Variants in EVA1C observed in about 807,000 individuals in gnomAD.
EVA1C encodes eva-1 homolog C, also known as protein eva-1 homolog C.
A neutral mutation model predicts 45.4 loss-of-function variants in EVA1C; 25 were observed. The ratio of observed to expected loss-of-function variants is 0.55; its 90% CI spans 0.40 to 0.77. The LOEUF is 0.77. Among genes scored for constraint, EVA1C ranks in the 30% least tolerant of loss-of-function variants. EVA1C has a pLI of 0.00. For synonymous variants in EVA1C, 190 were observed against 221.2 expected (o/e 0.86, Z 1.25); for missense variants, 479 against 554.8 (o/e 0.86, Z 1.37).
At chr21:32,481,509 GAAAAA>G (rs36096674) in intron 4 of EVA1C, among the ~76,000 whole-genome samples, 1 of 123,672 alleles carries the variant, frequency 8.1e-6, no homozygotes, top group African/African-American at 3.0e-5. Flanking sequence ...GCAGCCACAA[GAAAAA>G]AAAAAAAACT....
At chr21:32,440,790 T>C (rs1376870907) in intron 1 of EVA1C, among the ~76,000 whole-genome samples, 1 of 152,208 alleles carries the variant, frequency 6.6e-6, no homozygotes, top group East Asian at 1.9e-4. Context: ...TCTTCTTCAC[T>C]GTGTCATTCA....
chr21:32,439,659 T>C (rs919231247), intron 1 of EVA1C, among the ~76,000 whole-genome samples: 13 of 152,110 alleles, frequency 8.5e-5, no homozygotes, highest in African/African-American at 2.9e-4. Context: ...GCACGGCTTT[T>C]TGGATTTGCC....
In EVA1C at chr21:32,504,020, G is replaced by A; in HGVS notation, c.949+5G>A. 1.3e-6 allele frequency: 2 copies of A among 1,594,278 alleles called. No individual in the cohort carries two copies. Among genetic ancestry groups the A allele is most frequent in the Non-Finnish European group, 1.7e-6 (2 of 1,165,258 alleles). ...CAGCCTTTGCTTACATTAGAGGTAG[G>A]TCAATGAATCAAAGCTTCCTAGAAT... On this transcript the variant is annotated splice_donor_5th_base_variant and intron_variant, in intron 7 of 7. Transcript: ENST00000300255.
rs114081839 is a variant in EVA1C, at chr21:32,508,808, A to C, written c.949+4793A>C. On this transcript the variant is annotated intron_variant, in intron 7 of 7. Transcript: ENST00000300255. ...ATGAGCTGGAGCGTGCATTTGCCCC[A>C]AGTCAGGATCTAAGGGTGGAAAGGA... Among the ~76,000 whole-genome samples the C allele has an allele frequency of 2.4e-3, 371 of 152,262 alleles. 3 individuals are homozygous for C. The highest frequency in any genetic ancestry group is 8.0e-3 in the African/African-American group (331 of 41,562).
intron 1 of EVA1C, among the ~76,000 whole-genome samples, chr21:32,415,087 C>T (rs749837745): frequency 1.3e-5 from 2 of 152,154 alleles, no homozygotes; most frequent in Non-Finnish European, 2.9e-5. Context: ...TCTTATTGTT[C>T]GGTTCAGTGT....
chr21:32,420,161 T>A (rs981435934), intron 1 of EVA1C, among the ~76,000 whole-genome samples: 1 of 139,690 alleles, frequency 7.2e-6, no homozygotes, highest in Non-Finnish European at 1.5e-5. Flanking sequence ...TTTAGGGTTT[T>A]AAAAAATTTT....
chr21:32,458,821 A>G (rs1186756132), intron 3 of EVA1C, among the ~76,000 whole-genome samples: 1 of 152,018 alleles, frequency 6.6e-6, no homozygotes, highest in African/African-American at 2.4e-5. Context: ...CACCCAACAC[A>G]ACTGTTTTCA....
intron 1 of EVA1C, among the ~76,000 whole-genome samples, chr21:32,434,593 AAAATAAAT>A (rs202142414): frequency 2.0e-3 from 289 of 146,972 alleles, no homozygotes; most frequent in Non-Finnish European, 2.5e-3. Flanking sequence ...TCCGTCTCAA[AAAATAAAT>A]AAATAAATAA....
chr21:32,464,158 C>T (rs967160432), intron 3 of EVA1C, among the ~76,000 whole-genome samples: 5 of 152,208 alleles, frequency 3.3e-5, no homozygotes, highest in Admixed American at 6.5e-5. Context: ...AGAAAGAAAA[C>T]AAAACTTGCC....
intron 4 of EVA1C, among the ~76,000 whole-genome samples, chr21:32,494,574 G>A (rs532065296): frequency 2.0e-5 from 3 of 152,260 alleles, no homozygotes; most frequent in Admixed American, 6.5e-5. Context: ...CTGGAGGTCA[G>A]GAGTTTGAGA....
intron 2 of EVA1C, among the ~76,000 whole-genome samples, chr21:32,454,035 C>T (rs1389714600): frequency 6.6e-6 from 1 of 152,160 alleles, no homozygotes; most frequent in Non-Finnish European, 1.5e-5. Flanking sequence ...TCAAGACCAG[C>T]CTGGCCAATA....
rs1339118158 is a variant in EVA1C at position 32,474,400 on chromosome 21, C to T, written c.634+6552C>T. ...GCCTTTGCACAAGCTGTCCCTTTGA[C>T]CTGGACTGTGCTCACCCCATATCTT... On this transcript the variant is annotated intron_variant, in intron 4 of 7. Transcript: ENST00000300255. The surrounding 1 kb of genome is among the most constrained non-coding windows in gnomAD (Gnocchi z 4.4). Among the ~76,000 whole-genome samples, 3 of 152,210 alleles carry T rather than the reference C, an allele frequency of 2.0e-5. No individual in the cohort carries two copies. The East Asian group carries it at 5.8e-4, about 29-fold the overall frequency.
intron 4 of EVA1C, among the ~76,000 whole-genome samples, chr21:32,473,035 CTGAGGGTGCCCTG>C (rs1444517830): frequency 2.0e-5 from 3 of 152,262 alleles, no homozygotes; most frequent in Admixed American, 6.5e-5. Context: ...TCAAAGGGCC[CTGAGGGTGCCCTG>C]TTCATCAGGT....
In EVA1C at chr21:32,502,161, G is replaced by A. The variant is rs527570802; in HGVS notation, c.859+666G>A. 1.3e-4 allele frequency among the ~76,000 whole-genome samples: 19 copies of A among 150,804 alleles called. 1 individual carries two copies. In the South Asian group the frequency reaches 3.6e-3, roughly 28 times the overall value. On this transcript the variant is annotated intron_variant, in intron 6 of 7. Coordinates refer to ENST00000300255, the MANE Select transcript of EVA1C (RefSeq NM_058187.5). ...GTCGCCCAGGCTGGAGTGCAATGGCGCAATCTCCACTCACTGCAACCTCTG... is the reference window on the plus strand; with the variant it reads ...GTCGCCCAGGCTGGAGTGCAATGGCACAATCTCCACTCACTGCAACCTCTG...
At chr21:32,512,788 G>T (rs1344556091) in intron 7 of EVA1C, among the ~76,000 whole-genome samples, 1 of 152,150 alleles carries the variant, frequency 6.6e-6, no homozygotes, top group African/African-American at 2.4e-5. Context: ...AAGTTGAGTT[G>T]TGGCCCACCT....
chr21:32,468,015 T>C (rs1189159810), intron 4 of EVA1C, 167 bp downstream of exon 4: 2 of 344,588 alleles, frequency 5.8e-6, no homozygotes, highest in Non-Finnish European at 9.8e-6. Flanking sequence ...CTCCCGTGTG[T>C]GTGTGTATGT....
At chr21:32,505,686 C>T (rs754989945) in intron 7 of EVA1C, among the ~76,000 whole-genome samples, 3 of 152,198 alleles carry the variant, frequency 2.0e-5, no homozygotes, top group Middle Eastern at 3.2e-3. Flanking sequence ...AATCACTTTC[C>T]GGTAAGGGCT....
At chr21:32,430,622 C>G (rs2034661414) in intron 1 of EVA1C, among the ~76,000 whole-genome samples, 3 of 152,094 alleles carry the variant, frequency 2.0e-5, no homozygotes, top group Non-Finnish European at 2.9e-5. Context: ...GGAGCAAAGT[C>G]ACATCTTACA....
At chr21:32,459,933 T>C (rs1168395621) in intron 3 of EVA1C, among the ~76,000 whole-genome samples, 1 of 152,146 alleles carries the variant, frequency 6.6e-6, no homozygotes, top group Non-Finnish European at 1.5e-5. Flanking sequence ...GTGATATTCT[T>C]TCACATTTTC....
Sources: gnomAD v4.1 joint callset for allele counts (sites outside exome capture counted in the v4.1 genomes callset) on GRCh38, gnomAD v4.1.1 for gene constraint, Gnocchi (gnomAD v3.1) non-coding constraint, MANE v1.5 for transcripts, NCBI Gene and HGNC (gene_info 2026-07-23, HGNC 2026-07-21) for gene names.